The following WNK2 variants were observed in gnomAD, a reference collection of about 807,000 sequenced individuals.
WNK2 encodes serine/threonine-protein kinase WNK2.
Under a neutral mutation model 192.1 loss-of-function variants are expected in WNK2, and 67 were observed. The ratio of observed to expected loss-of-function variants is 0.35; its 90% CI spans 0.29 to 0.43. The LOEUF (loss-of-function observed/expected upper bound fraction) is 0.43, where lower values mean the gene tolerates loss of function less well. Ranked by LOEUF, WNK2 falls within the 20% of genes least tolerant of loss-of-function variation. The pLI, the probability that WNK2 is intolerant of heterozygous loss-of-function variation, is 1.00. For missense variants in WNK2, 2,698 were observed against 3,089.7 expected, an observed-to-expected ratio of 0.87 and a Z score of 3.01; for synonymous variants, 1,439 against 1,393.9, an observed-to-expected ratio of 1.03 and a Z score of -0.72.
At chr9:93,310,599 T>C (rs1853472116) in intron 28 of WNK2, among the ~76,000 whole-genome samples, 1 of 152,190 alleles carries the variant, frequency 6.6e-6, no homozygotes, top group African/African-American at 2.4e-5. Flanking sequence ...TCTATCCCTA[T>C]TAAACACTAG....
chr9:93,270,506 G>A (rs1416938957), intron 19 of WNK2, among the ~76,000 whole-genome samples: 1 of 152,212 alleles, frequency 6.6e-6, no homozygotes, highest in African/African-American at 2.4e-5. Flanking sequence ...GGGAAGATTG[G>A]GGATGCACCC....
intron 2 of WNK2, among the ~76,000 whole-genome samples, chr9:93,217,862 C>G (rs541162972): frequency 6.6e-6 from 1 of 151,962 alleles, no homozygotes; most frequent in Admixed American, 6.5e-5. Context: ...CTTGGGCCAC[C>G]TAGGGCCTCT....
Position 93,292,591 on chromosome 9 carries a change from G to A in WNK2, c.5126G>A (p.Gly1709Asp), listed in dbSNP as rs1325138153. ...SSAEPPPSDM[G>D]TVGGQASHPQ... ...GCAGAGCCCCCGCCGAGTGACATGG[G>A]CACAGTGGGGGGCCAGGCTAGCCAC... Residue 1709 changes from glycine to aspartate, a missense_variant, in exon 23 of 30, where the codon GGC becomes GAC. This residue lies in a region of WNK2 where 1,098 missense variants were observed against 1,101.0 expected (regional missense o/e 1.00). Coordinates refer to ENST00000427277, the MANE Select transcript of WNK2 (RefSeq NM_006648.4). 6.3e-7 allele frequency: 1 copy of A among 1,579,950 alleles called. No individual in the cohort carries two copies. The highest frequency in any genetic ancestry group is 8.6e-7 in the Non-Finnish European group (1 of 1,161,224).
At chr9:93,305,299 C>G (rs1852326916) in intron 26 of WNK2, among the ~76,000 whole-genome samples, 1 of 152,200 alleles carries the variant, frequency 6.6e-6, no homozygotes, top group Admixed American at 6.5e-5. Flanking sequence ...TGGATCCTAG[C>G]CTAGCCTGCA....
chr9:93,311,910 G>C (rs1207808665), intron 28 of WNK2, among the ~76,000 whole-genome samples: 1 of 151,914 alleles, frequency 6.6e-6, no homozygotes, highest in Non-Finnish European at 1.5e-5. Context: ...GTGAGCCACC[G>C]TGCGCCACCG....
chr9:93,275,324 G>T (rs1192241742), intron 19 of WNK2, among the ~76,000 whole-genome samples: 1 of 152,100 alleles, frequency 6.6e-6, no homozygotes, highest in Non-Finnish European at 1.5e-5. Flanking sequence ...TGAGGCTGCA[G>T]TGTGCTAAGA....
chr9:93,289,535 G>C lies in WNK2; in HGVS notation c.4781G>C (p.Arg1594Pro). ...TLEPLRGDQPRSEVCGGDLAL... is the reference protein window; with the variant it reads ...TLEPLRGDQPPSEVCGGDLAL... ...GAGCCCCTGAGAGGGGACCAGCCCC[G>C]CTCAGAGGTCTGCGGGGGGGACCTG... Residue 1594 changes from arginine to proline, a missense_variant, in exon 20 of 30, where the codon CGC (arginine) becomes CCC (proline). Physicochemically the swap from Arg to Pro is moderately radical, Grantham distance 103. Around this residue, in one of 7 missense-constraint regions of WNK2, gnomAD observed 1,098 missense variants for 1,101.0 expected, o/e 1.00. Coordinates refer to ENST00000427277, the MANE Select transcript of WNK2 (RefSeq NM_006648.4). The C allele has an allele frequency of 6.3e-7, 1 of 1,585,364 alleles. No individual in the cohort carries two copies. Among genetic ancestry groups the C allele is most frequent in the Non-Finnish European group, 8.6e-7 (1 of 1,161,662 alleles).
intron 2 of WNK2, among the ~76,000 whole-genome samples, chr9:93,187,553 T>C (rs1421929759): frequency 6.6e-6 from 1 of 152,170 alleles, no homozygotes; most frequent in African/African-American, 2.4e-5. Flanking sequence ...AGAGGGAGTC[T>C]GGACCTGCTT....
chr9:93,317,689 GAGGCCTGCTC>G (rs756558181), intron 29 of WNK2, 58 bp downstream of exon 29: 2 of 1,574,612 alleles, frequency 1.3e-6, no homozygotes, highest in Non-Finnish European at 1.7e-6. Flanking sequence ...GGTCAGTACA[GAGGCCTGCTC>G]CCAGCTCCAG....
At chr9:93,313,735 A>T (rs550222618) in intron 28 of WNK2, among the ~76,000 whole-genome samples, 95 of 152,262 alleles carry the variant, frequency 6.2e-4, no homozygotes, top group African/African-American at 2.1e-3. Flanking sequence ...GATTTGTTTA[A>T]CTTTTTATTA....
chr9:93,218,333 T>C (rs1836147516), intron 2 of WNK2, among the ~76,000 whole-genome samples: 1 of 152,128 alleles, frequency 6.6e-6, no homozygotes, highest in Non-Finnish European at 1.5e-5. Flanking sequence ...AAATCTATCT[T>C]TAGGTGTCCC....
intron 13 of WNK2, 72 bp from the exon 14 acceptor site, chr9:93,262,596 CTA>C (rs1403110025): frequency 2.0e-6 from 3 of 1,527,812 alleles, no homozygotes; most frequent in African/African-American, 1.4e-5. Flanking sequence ...GGAGAGCTGA[CTA>C]TGCGTGGCTG....
rs1040049929 is a variant in WNK2 at position 93,247,876 on chromosome 9, C to T, written c.1834+42C>T. On this transcript the variant is annotated intron_variant, in intron 8 of 29. Transcript: ENST00000427277. The surrounding 1 kb of genome is among the most constrained non-coding windows in gnomAD (Gnocchi z 5.2). ...GGGATGGCCATGGGCACCCCTCCCA[C>T]CTACCCTGCAAAAACCAGCTATTGG... 4.0e-6 allele frequency: 6 copies of T among 1,516,184 alleles called. No homozygotes were observed. The highest frequency in any genetic ancestry group is 5.3e-6 in the Non-Finnish European group (6 of 1,137,826). 93.9% of individuals were successfully genotyped at this position (1,516,184 alleles called of 1,614,324 possible).
intron 2 of WNK2, among the ~76,000 whole-genome samples, chr9:93,217,037 C>T (rs1835870607): frequency 6.6e-6 from 1 of 151,638 alleles, no homozygotes; most frequent in Non-Finnish European, 1.5e-5. Context: ...CGGCTCACTG[C>T]AACCTCTGCC....
At chr9:93,314,857 G>A (rs747896972) in intron 28 of WNK2, among the ~76,000 whole-genome samples, 7 of 152,114 alleles carry the variant, frequency 4.6e-5, no homozygotes, top group Non-Finnish European at 8.8e-5. Context: ...GAGCATTGTC[G>A]TGATGGAGAT....
chr9:93,259,407 A>G lies in WNK2; in HGVS notation c.2859A>G (p.Gln953=). 8.0e-7 allele frequency: 1 copy of G among 1,243,230 alleles called. No homozygotes were observed. The highest frequency in any genetic ancestry group is 1.1e-6 in the Non-Finnish European group (1 of 934,952). 77.0% of individuals were successfully genotyped at this position (1,243,230 alleles called of 1,614,324 possible). Reference sequence around the variant, plus strand: ...CTCCACAACCCACACTGCCCCCACAACCCGTGCTGCCCCCGCAACCCACGC... The same window carrying G: ...CTCCACAACCCACACTGCCCCCACAGCCCGTGCTGCCCCCGCAACCCACGC... ...ALPPQPTLPP[Q]PVLPPQPTLP... Residue 953 remains glutamine (Q), a synonymous_variant, in exon 12 of 30, where the codon CAA becomes CAG. Coordinates refer to ENST00000427277, the MANE Select transcript of WNK2 (RefSeq NM_006648.4). This position sits in a 1 kb window ranked among gnomAD's most constrained non-coding sequence, Gnocchi z 4.8.
At chr9:93,201,918 C>T (rs946619668) in intron 2 of WNK2, among the ~76,000 whole-genome samples, 24 of 152,350 alleles carry the variant, frequency 1.6e-4, no homozygotes, top group African/African-American at 5.0e-4. Context: ...TTTGTGCCCG[C>T]GCTCCCACTC....
At position 93,292,636 on chromosome 9, in the gene WNK2, G is replaced by A. The variant is rs749027512; in HGVS notation, c.5171G>A (p.Arg1724Gln). 6.3e-6 allele frequency: 10 copies of A among 1,583,252 alleles called. No homozygotes were observed. Among genetic ancestry groups the A allele is most frequent in the South Asian group, 1.1e-5 (1 of 87,204 alleles). ...QASHPQTLGARALGSPRKRPE... is the reference protein window; with the variant it reads ...QASHPQTLGAQALGSPRKRPE... ...AGCCACCCCCAGACACTCGGCGCTC[G>A]AGCTTTGGGGTCCCCTCGGAAACGT... The change falls in exon 23 of 30, where the codon CGA becomes CAA. Residue 1724 changes from arginine (R) to glutamine (Q), a missense_variant. Arg to Gln is a conservative substitution (Grantham distance 43). Coordinates refer to ENST00000427277, the MANE Select transcript of WNK2 (RefSeq NM_006648.4).
chr9:93,247,705 G>C lies in WNK2; in HGVS notation c.1705G>C (p.Val569Leu). ...GSPDKARGPP[V>L]PLQVQVTYHA... is the part of the protein sequence containing the mutation. ...CCCGGACAAGGCCAGGGGTCCGCCG[G>C]TGCCCCTGCAGGTCCAGGTGACCTA... Residue 569 changes from valine to leucine, a missense_variant, in exon 8 of 30, where the codon GTG (valine) becomes CTG (leucine). Physicochemically the swap from Val to Leu is conservative, Grantham distance 32 (BLOSUM62 1). Coordinates refer to ENST00000427277, the MANE Select transcript of WNK2 (RefSeq NM_006648.4). This position sits in a 1 kb window ranked among gnomAD's most constrained non-coding sequence, Gnocchi z 5.2. The C allele has an allele frequency of 6.4e-7, 1 of 1,564,090 alleles. No individual in the cohort carries two copies. Among genetic ancestry groups the C allele is most frequent in the Non-Finnish European group, 8.7e-7 (1 of 1,154,700 alleles).
Sources: allele counts gnomAD v4.1 joint callset (sites outside exome capture counted in the v4.1 genomes callset), GRCh38; gene constraint gnomAD v4.1.1; regional missense constraint gnomAD v4.1.1; non-coding constraint Gnocchi (gnomAD v3.1); transcripts MANE v1.5; gene names NCBI Gene and HGNC (gene_info 2026-07-23, HGNC 2026-07-21).